Variants in MICU2 observed in about 807,000 individuals in gnomAD.
MICU2 encodes mitochondrial calcium uptake 2.
In MICU2, 64 loss-of-function variants were observed where a neutral mutation model predicts 60.4. The ratio of observed to expected loss-of-function variants is 1.06; its 90% CI spans 0.87 to 1.31. The LOEUF (loss-of-function observed/expected upper bound fraction) is 1.31, where lower values mean the gene tolerates loss of function less well. Ranked by LOEUF, MICU2 falls within the 50% of genes most tolerant of loss-of-function variation. The pLI is 0.00. For missense variants in MICU2, 569 were observed against 531.0 expected (o/e 1.07, Z -0.70); for synonymous variants, 201 against 175.0 (o/e 1.15, Z -1.17).
chr13:21,591,174 G>A (rs1187755452), intron 1 of MICU2, among the ~76,000 whole-genome samples: 1 of 151,538 alleles, frequency 6.6e-6, no homozygotes, highest in African/African-American at 2.4e-5. Context: ...TAAAGGGATG[G>A]AGGAAAATTC....
chr13:21,586,100 A>G (rs891410148), intron 1 of MICU2, among the ~76,000 whole-genome samples: 11 of 152,158 alleles, frequency 7.2e-5, no homozygotes, highest in Non-Finnish European at 2.9e-5. Context: ...TATATTTATC[A>G]TAATTGTTGC....
chr13:21,494,142 C>T (rs891931256), intron 11 of MICU2, among the ~76,000 whole-genome samples: 2 of 152,248 alleles, frequency 1.3e-5, no homozygotes, highest in Middle Eastern at 6.8e-3. Flanking sequence ...TGTTGGATAA[C>T]TGCAAAGTTT....
intron 1 of MICU2, among the ~76,000 whole-genome samples, chr13:21,586,498 C>A (rs1888460567): frequency 6.6e-6 from 1 of 150,902 alleles, no homozygotes; most frequent in Non-Finnish European, 1.5e-5. Context: ...GCCTCAGCCT[C>A]CCAGGCTCAA....
intron 1 of MICU2, among the ~76,000 whole-genome samples, chr13:21,569,492 G>A (rs1039613609): frequency 1.3e-5 from 2 of 152,004 alleles, no homozygotes; most frequent in Non-Finnish European, 2.9e-5. Flanking sequence ...TGCAGAGGAA[G>A]CCCCCAAGTC....
intron 5 of MICU2, among the ~76,000 whole-genome samples, chr13:21,521,850 C>T (rs907463628): frequency 1.2e-4 from 19 of 152,218 alleles, no homozygotes; most frequent in African/African-American, 4.3e-4. Flanking sequence ...GATCACAGCT[C>T]ACTGCAGCCT....
At chr13:21,537,387 C>T (rs945118188) in intron 4 of MICU2, among the ~76,000 whole-genome samples, 9 of 151,984 alleles carry the variant, frequency 5.9e-5, no homozygotes, top group Non-Finnish European at 5.9e-5. Flanking sequence ...CTCATCAGTT[C>T]TTTTTCCATA....
intron 4 of MICU2, among the ~76,000 whole-genome samples, chr13:21,534,672 A>C (rs1208398480): frequency 6.6e-6 from 1 of 152,226 alleles, no homozygotes; most frequent in Non-Finnish European, 1.5e-5. Context: ...GATAATTTGT[A>C]ATTAGCATGT....
At chr13:21,522,174 T>C (rs928868676) in intron 5 of MICU2, among the ~76,000 whole-genome samples, 2 of 152,252 alleles carry the variant, frequency 1.3e-5, no homozygotes, top group African/African-American at 4.8e-5. Flanking sequence ...ACTAATGCTG[T>C]TTTCCTATTC....
At chr13:21,565,992 A>T (rs535169155) in intron 2 of MICU2, among the ~76,000 whole-genome samples, 1 of 152,278 alleles carries the variant, frequency 6.6e-6, no homozygotes, top group African/African-American at 2.4e-5. Flanking sequence ...TTTCAATTTC[A>T]TCCCTCACTA....
intron 4 of MICU2, among the ~76,000 whole-genome samples, chr13:21,533,417 G>C (rs895155472): frequency 5.3e-5 from 8 of 149,704 alleles, no homozygotes; most frequent in African/African-American, 2.0e-4. Context: ...TCTGCCCCCC[G>C]GGTTCACGCC....
At chr13:21,572,082 A>C (rs1888123828) in intron 1 of MICU2, among the ~76,000 whole-genome samples, 1 of 152,234 alleles carries the variant, frequency 6.6e-6, no homozygotes, top group East Asian at 1.9e-4. Flanking sequence ...AAACCCTGCC[A>C]TATTAAAAAC....
chr13:21,539,383 A>AAT lies in MICU2; in HGVS notation c.391-8_391-7dup, dbSNP rs760825487. 20 of 1,610,192 alleles carry AAT rather than the reference A, an allele frequency of 1.2e-5. No homozygotes were observed. Among genetic ancestry groups the AAT allele is most frequent in the Non-Finnish European group, 1.6e-5 (19 of 1,178,584 alleles). On this transcript the variant is annotated splice_polypyrimidine_tract_variant and splice_region_variant and intron_variant, in intron 3 of 11. Transcript: ENST00000382374. ...GACAGTGTATCCTCGATGTCCTTTG[A>AAT]ATACACATATTAAAATTAAACTTCT...
At chr13:21,581,953 T>C (rs1888356473) in intron 1 of MICU2, among the ~76,000 whole-genome samples, 1 of 152,256 alleles carries the variant, frequency 6.6e-6, no homozygotes, top group African/African-American at 2.4e-5. Flanking sequence ...TAACAAAACC[T>C]TACATGCATA....
chr13:21,537,381 T>C (rs576856085), intron 4 of MICU2, among the ~76,000 whole-genome samples: 1 of 152,270 alleles, frequency 6.6e-6, no homozygotes, highest in East Asian at 1.9e-4. Flanking sequence ...GTTTCTCTCA[T>C]CAGTTCTTTT....
chr13:21,573,498 T>A (rs1376524149), intron 1 of MICU2, among the ~76,000 whole-genome samples: 3 of 152,166 alleles, frequency 2.0e-5, no homozygotes, highest in Non-Finnish European at 4.4e-5. Context: ...GGTCTTGATC[T>A]CCTGAGCTAG....
intron 1 of MICU2, among the ~76,000 whole-genome samples, chr13:21,583,405 T>C (rs1888393184): frequency 6.6e-6 from 1 of 152,206 alleles, no homozygotes; most frequent in African/African-American, 2.4e-5. Flanking sequence ...ATTGCAACGG[T>C]TTCCTGGTTG....
chr13:21,565,125 A>G (rs1887946743), intron 2 of MICU2, among the ~76,000 whole-genome samples: 1 of 152,236 alleles, frequency 6.6e-6, no homozygotes, highest in Non-Finnish European at 1.5e-5. Context: ...TTTAAGAGAA[A>G]TCTTTTTGCA....
At position 21,496,052 on chromosome 13, in the gene MICU2, C is replaced by CTA; in HGVS notation, c.1040_1041dup (p.Ala348Ter). ...TTAAATGGTTTTTCATATAACTTAC[C>CTA]TAGTCTGACAGGACGATGAGCTAAA... On this transcript the variant is annotated frameshift_variant and splice_region_variant, in exon 10 of 12. Transcript: ENST00000382374. LOFTEE classifies it high-confidence loss of function. 6.2e-7 allele frequency: 1 copy of CTA among 1,605,392 alleles called. No homozygotes were observed. Among genetic ancestry groups the CTA allele is most frequent in the Non-Finnish European group, 8.5e-7 (1 of 1,174,902 alleles).
At chr13:21,603,596 G>T (rs1255076505) in intron 1 of MICU2, 2 of 349,590 alleles carry the variant, frequency 5.7e-6, no homozygotes, top group African/African-American at 4.3e-5. Context: ...AAGAGGCGAG[G>T]CGCAGTGAGA....
Sources: allele counts gnomAD v4.1 joint callset (sites outside exome capture counted in the v4.1 genomes callset), GRCh38; gene constraint gnomAD v4.1.1; transcripts MANE v1.5; gene names NCBI Gene and HGNC (gene_info 2026-07-23, HGNC 2026-07-21).